The following USP34 variants were observed in gnomAD, a reference collection of about 807,000 sequenced individuals.
USP34 encodes ubiquitin specific peptidase 34.
Under a neutral mutation model 460.3 loss-of-function variants are expected in USP34, and 70 were observed. The observed-to-expected ratio is 0.15, with a 90% CI of 0.13 to 0.19. The LOEUF is 0.19. Among genes scored for constraint, USP34 ranks in the 10% least tolerant of loss-of-function variants. The probability of loss-of-function intolerance (pLI) is 1.00; values close to 1 mark genes in which losing one functional copy is unlikely to be tolerated. For missense variants in USP34, 3,985 were observed against 4,236.2 expected (o/e 0.94, Z 1.65); for synonymous variants, 1,647 against 1,405.3 (o/e 1.17, Z -3.85).
At chr2:61,387,743 A>AT (rs911893507) in intron 5 of USP34, among the ~76,000 whole-genome samples, 5 of 147,588 alleles carry the variant, frequency 3.4e-5, no homozygotes, top group Admixed American at 6.8e-5. Context: ...GTAAAAATAT[A>AT]TTTTTACGTA....
At chr2:61,378,590 A>G (rs940822718) in intron 7 of USP34, among the ~76,000 whole-genome samples, 166 bp from the exon 8 acceptor site, 3 of 152,132 alleles carry the variant, frequency 2.0e-5, no homozygotes, top group African/African-American at 4.8e-5. Flanking sequence ...CCAATTACTA[A>G]AACTATTTCT....
chr2:61,429,132 C>A (rs1558589060), intron 1 of USP34, among the ~76,000 whole-genome samples: 1 of 152,158 alleles, frequency 6.6e-6, no homozygotes, highest in Non-Finnish European at 1.5e-5. Context: ...AAGACACTAT[C>A]TCTACTAAAC....
At chr2:61,396,874 G>T (rs1318828019) in intron 3 of USP34, among the ~76,000 whole-genome samples, 1 of 152,086 alleles carries the variant, frequency 6.6e-6, no homozygotes, top group African/African-American at 2.4e-5. Context: ...AGTGATGATG[G>T]CTGCACAACT....
At chr2:61,433,038 G>A (rs1384734949) in intron 1 of USP34, among the ~76,000 whole-genome samples, 3 of 152,194 alleles carry the variant, frequency 2.0e-5, no homozygotes, top group Non-Finnish European at 4.4e-5. Flanking sequence ...CAGGGAGACT[G>A]ACTAAAGACA....
chr2:61,446,795 C>CA lies in USP34; in HGVS notation c.43+23854dup, dbSNP rs202114862. ...TGGGCAACAGAGCAAGACTCCACAT[C>CA]AAAAAAAAAAAAAAAAAATTCCACT... On this transcript the variant is annotated intron_variant, in intron 1 of 79. Transcript: ENST00000398571. Among the ~76,000 whole-genome samples the CA allele has an allele frequency of 9.3e-3, 1,301 of 139,546 alleles. 16 individuals are homozygous for CA. The highest frequency in any genetic ancestry group is 0.016 in the Admixed American group (220 of 13,692). 91.5% of individuals were successfully genotyped at this position (139,546 alleles called of 152,430 possible). A position where few individuals can be genotyped will look rare whatever the true frequency, so the allele number is the denominator to read the frequency against.
At chr2:61,347,664 G>A (rs1691813859) in intron 15 of USP34, among the ~76,000 whole-genome samples, 1 of 152,166 alleles carries the variant, frequency 6.6e-6, no homozygotes, top group South Asian at 2.1e-4. Context: ...GTGAGCCACT[G>A]TGCATGGCCA....
chr2:61,207,997 G>A (rs2103778602), intron 70 of USP34: 1 of 152,376 alleles, frequency 6.6e-6, no homozygotes, highest in Admixed American at 6.5e-5. Flanking sequence ...TACCTCTGGT[G>A]ACTCTGCAGC....
At chr2:61,382,014 A>C (rs1692989443) in intron 6 of USP34, among the ~76,000 whole-genome samples, 1 of 152,164 alleles carries the variant, frequency 6.6e-6, no homozygotes, top group Admixed American at 6.5e-5. Flanking sequence ...CCCTATAATG[A>C]CCAGTATTAT....
At chr2:61,229,122 TAAG>T (rs1419791441) in intron 59 of USP34, 127 bp from the exon 60 acceptor site, 2 of 640,110 alleles carry the variant, frequency 3.1e-6, no homozygotes, top group African/African-American at 3.7e-5. Context: ...CGCAATAACT[TAAG>T]TAGTTATTGT....
chr2:61,245,037 C>G (rs984122796), intron 51 of USP34, among the ~76,000 whole-genome samples, 173 bp downstream of exon 51: 5 of 150,806 alleles, frequency 3.3e-5, no homozygotes, highest in African/African-American at 1.2e-4. Context: ...AGAAATAGCA[C>G]TTTAAAAATA....
At chr2:61,221,458 T>A in intron 66 of USP34, 44 bp downstream of exon 66, 1 of 1,529,086 alleles carries the variant, frequency 6.5e-7, no homozygotes, top group South Asian at 1.2e-5. Context: ...AAAAATAAAA[T>A]CCTCAGGAAA....
chr2:61,352,216 A>T (rs1691961760), intron 10 of USP34, among the ~76,000 whole-genome samples: 1 of 152,128 alleles, frequency 6.6e-6, no homozygotes, highest in Admixed American at 6.5e-5. Flanking sequence ...AGGAATTCTC[A>T]ATTTGTACTA....
chr2:61,316,499 C>A (rs573629591), intron 23 of USP34, among the ~76,000 whole-genome samples: 1 of 151,166 alleles, frequency 6.6e-6, no homozygotes, highest in Non-Finnish European at 1.5e-5. Context: ...GCATGAGAAT[C>A]GCTTGAACCC....
chr2:61,463,370 G>C (rs560291060), intron 1 of USP34, among the ~76,000 whole-genome samples: 1 of 152,058 alleles, frequency 6.6e-6, no homozygotes, highest in African/African-American at 2.4e-5. Flanking sequence ...CAATGAAAAA[G>C]ATTCTTATTC....
chr2:61,427,318 G>A (rs772748923), intron 1 of USP34, among the ~76,000 whole-genome samples: 1 of 152,180 alleles, frequency 6.6e-6, no homozygotes, highest in African/African-American at 2.4e-5. Flanking sequence ...ATGAGCCACC[G>A]TGCCCGGCCC....
intron 53 of USP34, among the ~76,000 whole-genome samples, chr2:61,237,490 C>T (rs1359556369): frequency 6.8e-6 from 1 of 147,692 alleles, no homozygotes; most frequent in East Asian, 2.0e-4. Flanking sequence ...GTTTTACAAA[C>T]ACTTGTCTGT....
chr2:61,281,023 C>A, intron 38 of USP34, 67 bp downstream of exon 38: 1 of 1,514,990 alleles, frequency 6.6e-7, no homozygotes, highest in Non-Finnish European at 8.9e-7. Flanking sequence ...GGATATATTA[C>A]AACGGTAAAC....
At chr2:61,234,187 T>C (rs1687998445) in intron 57 of USP34, among the ~76,000 whole-genome samples, 1 of 152,254 alleles carries the variant, frequency 6.6e-6, no homozygotes, top group African/African-American at 2.4e-5. Context: ...TTCTGAGGAA[T>C]AGATTCCCTT....
intron 1 of USP34, among the ~76,000 whole-genome samples, chr2:61,429,061 G>A (rs1179910607): frequency 2.0e-5 from 3 of 152,198 alleles, no homozygotes; most frequent in Non-Finnish European, 4.4e-5. Flanking sequence ...TGCGCTTTGG[G>A]AAGAAAAGGA....
Sources: gnomAD v4.1 joint callset for allele counts (sites outside exome capture counted in the v4.1 genomes callset) on GRCh38, gnomAD v4.1.1 for gene constraint, MANE v1.5 for transcripts, NCBI Gene and HGNC (gene_info 2026-07-23, HGNC 2026-07-21) for gene names.